The following ABTB3 variants were observed in gnomAD, a reference collection of about 807,000 sequenced individuals.
ABTB3 encodes the protein ankyrin repeat and BTB domain containing 3.
the ABTB3 span, among the ~76,000 whole-genome samples, chr12:107,491,745 C>T: frequency 3.3e-5 from 5 of 149,546 alleles, no homozygotes; most frequent in African/African-American, 1.2e-4. Context: ...TTTGATTGAA[C>T]TTGGTAGGCA....
At chr12:107,610,048 G>T in the ABTB3 span, 1 of 918,648 alleles carries the variant, frequency 1.1e-6, no homozygotes. Context: ...GACATCCGGA[G>T]GCCATCATTT....
chr12:107,501,319 T>C, the ABTB3 span, among the ~76,000 whole-genome samples: 1 of 151,800 alleles, frequency 6.6e-6, no homozygotes, highest in Non-Finnish European at 1.5e-5. Flanking sequence ...CCCAACCATT[T>C]GGGGCAGCTT....
chr12:107,649,439 C>T, the ABTB3 span: 239 of 654,768 alleles, frequency 3.7e-4, no homozygotes, highest in African/African-American at 4.0e-3. Flanking sequence ...CCTCAGTCCT[C>T]CCAAACAGGA....
At chr12:107,388,218 C>T in the ABTB3 span, among the ~76,000 whole-genome samples, 2 of 152,048 alleles carry the variant, frequency 1.3e-5, no homozygotes, top group African/African-American at 4.8e-5. Flanking sequence ...GTGATCTGCT[C>T]ACCTCAGACT....
chr12:107,451,334 GTA>G, the ABTB3 span, among the ~76,000 whole-genome samples: 1 of 152,192 alleles, frequency 6.6e-6, no homozygotes. Context: ...AGGTGAATCT[GTA>G]TGGAGAATGT....
At chr12:107,580,862 A>G in the ABTB3 span, 1 of 1,547,830 alleles carries the variant, frequency 6.5e-7, no homozygotes, top group African/African-American at 1.4e-5. Context: ...TTCCCAGATC[A>G]GTTACCTCCT....
chr12:107,443,648 C>T, the ABTB3 span, among the ~76,000 whole-genome samples: 2 of 152,154 alleles, frequency 1.3e-5, no homozygotes, highest in African/African-American at 4.8e-5. Flanking sequence ...GTCTGTAGTG[C>T]CTTGGAAAGA....
the ABTB3 span, among the ~76,000 whole-genome samples, chr12:107,538,632 G>C: frequency 2.0e-5 from 3 of 152,194 alleles, no homozygotes; most frequent in Non-Finnish European, 4.4e-5. Context: ...TTGTTGAGTT[G>C]CTTCTTCTAC....
the ABTB3 span, among the ~76,000 whole-genome samples, chr12:107,635,870 C>CCACA: frequency 3.8e-4 from 44 of 115,222 alleles, no homozygotes; most frequent in African/African-American, 6.7e-4. Context: ...CCCCACCCAC[C>CCACA]CACACACACA....
At chr12:107,451,631 G>C in the ABTB3 span, among the ~76,000 whole-genome samples, 1 of 152,024 alleles carries the variant, frequency 6.6e-6, no homozygotes, top group African/African-American at 2.4e-5. Flanking sequence ...CCCCTGCCTG[G>C]TTCCCCACCT....
At chr12:107,435,168 C>T in the ABTB3 span, among the ~76,000 whole-genome samples, 17 of 152,350 alleles carry the variant, frequency 1.1e-4, no homozygotes, top group Non-Finnish European at 2.1e-4. Context: ...CCTCTGAGTT[C>T]TCCTCCAATT....
At chr12:107,572,869 C>T in the ABTB3 span, among the ~76,000 whole-genome samples, 1 of 152,134 alleles carries the variant, frequency 6.6e-6, no homozygotes, top group Non-Finnish European at 1.5e-5. Context: ...CCTGCCTGTC[C>T]TCAGTACTGC....
chr12:107,481,463 C>G, the ABTB3 span, among the ~76,000 whole-genome samples: 1 of 152,174 alleles, frequency 6.6e-6, no homozygotes. Flanking sequence ...ACTTGGGTCA[C>G]TGGTTGTGGT....
chr12:107,511,688 A>C, the ABTB3 span, among the ~76,000 whole-genome samples: 1 of 152,182 alleles, frequency 6.6e-6, no homozygotes. Context: ...CAGGCTGGCC[A>C]AGATTTAATG....
the ABTB3 span, among the ~76,000 whole-genome samples, chr12:107,474,112 G>A: frequency 2.6e-5 from 4 of 152,244 alleles, no homozygotes; most frequent in Admixed American, 2.6e-4. Flanking sequence ...GGGCTGCCAT[G>A]TATTGTGCTG....
At chr12:107,459,341 G>A in the ABTB3 span, among the ~76,000 whole-genome samples, 1 of 152,298 alleles carries the variant, frequency 6.6e-6, no homozygotes, top group East Asian at 1.9e-4. Context: ...TTGATTGATT[G>A]ATTCAACAAG....
At chr12:107,651,257 G>A in the ABTB3 span, among the ~76,000 whole-genome samples, 1 of 152,208 alleles carries the variant, frequency 6.6e-6, no homozygotes, top group African/African-American at 2.4e-5. Flanking sequence ...GGGCAAGGAG[G>A]AAAGGAGGAC....
the ABTB3 span, among the ~76,000 whole-genome samples, chr12:107,643,402 CAAAAAAAAA>C: frequency 1.3e-4 from 10 of 79,532 alleles, no homozygotes; most frequent in Admixed American, 1.6e-4. Context: ...GACCCTATCT[CAAAAAAAAA>C]AAAAAAAAAA....
At chr12:107,524,774 A>G in the ABTB3 span, among the ~76,000 whole-genome samples, 1 of 152,220 alleles carries the variant, frequency 6.6e-6, no homozygotes, top group Non-Finnish European at 1.5e-5. Flanking sequence ...CCTCCAGGGA[A>G]GTCCAGAAGA....
Sources: gnomAD v4.1 joint callset for allele counts (sites outside exome capture counted in the v4.1 genomes callset) on GRCh38, gnomAD v4.1.1 for gene constraint, MANE v1.5 for transcripts, NCBI Gene and HGNC (gene_info 2026-07-23, HGNC 2026-07-21) for gene names.